TAS2R1: variants seen among roughly 807,000 people sequenced by gnomAD.
TAS2R1 encodes taste 2 receptor member 1.
For synonymous variants in TAS2R1, 141 were observed against 134.2 expected, an observed-to-expected ratio of 1.05 and a Z score of -0.35; for missense variants, 370 against 353.4, an observed-to-expected ratio of 1.05 and a Z score of -0.38.
chr5:9,646,679 C>A (rs1740196549), intron 2 of TAS2R1, among the ~76,000 whole-genome samples: 1 of 152,150 alleles, frequency 6.6e-6, no homozygotes, highest in Non-Finnish European at 1.5e-5. Flanking sequence ...TGCCTCTCCC[C>A]TTCAAAGCAG....
upstream of TAS2R1, among the ~76,000 whole-genome samples, chr5:9,632,922 G>A (rs1288739024): frequency 6.6e-6 from 1 of 151,644 alleles, no homozygotes; most frequent in Non-Finnish European, 1.5e-5. Context: ...TCACTTCTTA[G>A]TGGTATCTAA....
chr5:9,882,151 T>G, the TAS2R1 span, among the ~76,000 whole-genome samples: 1 of 152,142 alleles, frequency 6.6e-6, no homozygotes, highest in Admixed American at 6.6e-5. Context: ...GATGCTTAAA[T>G]TTACAAGAAA....
At chr5:9,708,052 C>G (rs1050041516) in intron 1 of TAS2R1, among the ~76,000 whole-genome samples, 14 of 152,176 alleles carry the variant, frequency 9.2e-5, no homozygotes, top group African/African-American at 3.1e-4. Context: ...AATATTCTGT[C>G]TTTACGGCGC....
the TAS2R1 span, among the ~76,000 whole-genome samples, chr5:9,902,948 A>T: frequency 1.9e-3 from 291 of 150,470 alleles, 4 homozygotes; most frequent in East Asian, 0.023. Context: ...ATTCTTTTTT[A>T]AAAAAAAATG....
the TAS2R1 span, among the ~76,000 whole-genome samples, chr5:9,749,126 G>A: frequency 6.6e-6 from 1 of 152,048 alleles, no homozygotes; most frequent in Non-Finnish European, 1.5e-5. Flanking sequence ...CAACAGGTCT[G>A]GAAAATACAG....
At chr5:9,676,142 A>T (rs1481441218) in intron 1 of TAS2R1, among the ~76,000 whole-genome samples, 1 of 152,172 alleles carries the variant, frequency 6.6e-6, no homozygotes, top group African/African-American at 2.4e-5. Context: ...TTAATGTGCC[A>T]TATCACATTA....
At chr5:9,703,006 A>G (rs968734528) in intron 1 of TAS2R1, among the ~76,000 whole-genome samples, 21 of 152,218 alleles carry the variant, frequency 1.4e-4, no homozygotes, top group African/African-American at 5.1e-4. Context: ...TTAACTTCAC[A>G]CCTTAAAGAA....
the TAS2R1 span, among the ~76,000 whole-genome samples, chr5:9,736,660 ACTTGTGTTTGACAT>A: frequency 6.6e-6 from 1 of 152,198 alleles, no homozygotes; most frequent in Admixed American, 6.5e-5. Flanking sequence ...CAAATAAAGT[ACTTGTGTTTGACAT>A]CTTATCTCAG....
chr5:9,642,540 C>T (rs1475654486), intron 2 of TAS2R1, among the ~76,000 whole-genome samples: 1 of 152,100 alleles, frequency 6.6e-6, no homozygotes, highest in African/African-American at 2.4e-5. Flanking sequence ...TCTTCAGATC[C>T]ATTCATTTGC....
intron 1 of TAS2R1, among the ~76,000 whole-genome samples, chr5:9,665,017 A>G (rs1234703009): frequency 6.6e-6 from 1 of 152,218 alleles, no homozygotes; most frequent in Non-Finnish European, 1.5e-5. Flanking sequence ...TTATTTTCTC[A>G]TAGTTCTGCC....
intron 1 of TAS2R1, among the ~76,000 whole-genome samples, chr5:9,687,052 C>T (rs1741139017): frequency 6.6e-6 from 1 of 152,148 alleles, no homozygotes; most frequent in South Asian, 2.1e-4. Flanking sequence ...GCAACCTCCG[C>T]CTCCTGGGTT....
chr5:9,803,064 T>C, the TAS2R1 span, among the ~76,000 whole-genome samples: 1 of 152,248 alleles, frequency 6.6e-6, no homozygotes, highest in Non-Finnish European at 1.5e-5. Context: ...TCACAACTTC[T>C]GGAAATCAAG....
intron 1 of TAS2R1, among the ~76,000 whole-genome samples, chr5:9,682,367 G>A (rs979954077): frequency 2.0e-5 from 3 of 152,144 alleles, no homozygotes; most frequent in African/African-American, 7.2e-5. Flanking sequence ...CTTTGGGGGT[G>A]GGGATCTGCT....
chr5:9,830,600 C>T, the TAS2R1 span, among the ~76,000 whole-genome samples: 14,337 of 82,224 alleles, frequency 0.17, 788 homozygotes, highest in South Asian at 0.31. Flanking sequence ...TAGACACGTG[C>T]GCGCGCACAC....
At chr5:9,632,109 T>C (rs541896260), upstream of TAS2R1, among the ~76,000 whole-genome samples, 57 of 152,302 alleles carry the variant, frequency 3.7e-4, 1 homozygote, top group South Asian at 0.011. Flanking sequence ...TCCATAATAC[T>C]GTGCATTAAA....
intron 1 of TAS2R1, among the ~76,000 whole-genome samples, chr5:9,697,008 C>T (rs1392923570): frequency 2.7e-5 from 4 of 150,934 alleles, no homozygotes; most frequent in East Asian, 1.9e-4. Flanking sequence ...ACTGAAACTC[C>T]GTCTCAAAAA....
At chr5:9,689,712 T>G (rs973965040) in intron 1 of TAS2R1, among the ~76,000 whole-genome samples, 2 of 152,118 alleles carry the variant, frequency 1.3e-5, no homozygotes, top group Non-Finnish European at 2.9e-5. Context: ...TAAAAAAAAT[T>G]TCTGTCTATA....
the TAS2R1 span, among the ~76,000 whole-genome samples, chr5:9,838,216 G>A: frequency 6.6e-6 from 1 of 152,166 alleles, no homozygotes; most frequent in Non-Finnish European, 1.5e-5. Flanking sequence ...CTGAGTATCT[G>A]TAAAAGTGCC....
chr5:9,729,976 G>A, the TAS2R1 span, among the ~76,000 whole-genome samples: 1 of 152,186 alleles, frequency 6.6e-6, no homozygotes, highest in East Asian at 1.9e-4. Flanking sequence ...GGTAGATAAA[G>A]GGGGCAAGAA....
Sources: gnomAD v4.1 joint callset for allele counts (sites outside exome capture counted in the v4.1 genomes callset) on GRCh38, gnomAD v4.1.1 for gene constraint, MANE v1.5 for transcripts, NCBI Gene and HGNC (gene_info 2026-07-23, HGNC 2026-07-21) for gene names.